Variants in SNX25 observed in about 807,000 individuals in gnomAD.
The protein encoded by SNX25 is sorting nexin-25.
In SNX25, 62 loss-of-function variants were observed where a neutral mutation model predicts 113.7. The ratio of observed to expected loss-of-function variants is 0.55; its 90% CI spans 0.44 to 0.67. The LOEUF (loss-of-function observed/expected upper bound fraction) is 0.67. Among genes scored for constraint, SNX25 ranks in the 30% least tolerant of loss-of-function variants. The pLI is 0.00. For synonymous variants in SNX25, 421 were observed against 436.2 expected (o/e 0.97, Z 0.43); for missense variants, 1,014 against 1,161.0 (o/e 0.87, Z 1.84).
intron 6 of SNX25, among the ~76,000 whole-genome samples, chr4:185,302,504 A>C (rs143099927): frequency 5.0e-4 from 76 of 152,296 alleles, no homozygotes; most frequent in Admixed American, 1.0e-3. Context: ...AAAAACCTCC[A>C]CACATTTGGT....
chr4:185,260,334 G>C (rs781355448), intron 3 of SNX25, among the ~76,000 whole-genome samples: 5 of 152,072 alleles, frequency 3.3e-5, no homozygotes, highest in South Asian at 2.1e-4. Context: ...GAATTTCAAA[G>C]AGCTCATTTC....
intron 10 of SNX25, among the ~76,000 whole-genome samples, chr4:185,336,267 T>C (rs896840917): frequency 1.3e-5 from 2 of 152,202 alleles, no homozygotes; most frequent in African/African-American, 4.8e-5. Context: ...TTGGTATACC[T>C]ATCACCCAAG....
At chr4:185,313,983 A>G (rs1235696034) in intron 7 of SNX25, among the ~76,000 whole-genome samples, 1 of 152,190 alleles carries the variant, frequency 6.6e-6, no homozygotes, top group African/African-American at 2.4e-5. Flanking sequence ...GATCATCACA[A>G]GGGTTTTCAT....
intron 3 of SNX25, among the ~76,000 whole-genome samples, chr4:185,263,723 A>C (rs1437464918): frequency 1.3e-5 from 2 of 152,192 alleles, no homozygotes; most frequent in East Asian, 3.8e-4. Flanking sequence ...AAAATCTCTT[A>C]TACTTTGCCT....
At chr4:185,362,791 A>G in intron 18 of SNX25, 80 bp downstream of exon 18, 2 of 999,906 alleles carry the variant, frequency 2.0e-6, no homozygotes, top group Non-Finnish European at 1.5e-6. Flanking sequence ...CATGTGCCCC[A>G]GTGGCTGCAG....
intron 2 of SNX25, among the ~76,000 whole-genome samples, chr4:185,258,532 A>G (rs1334970681): frequency 6.6e-6 from 1 of 152,212 alleles, no homozygotes; most frequent in Non-Finnish European, 1.5e-5. Flanking sequence ...TATCAGGTAC[A>G]CTTCATAAGT....
chr4:185,209,868 C>T lies in SNX25; in HGVS notation c.42C>T (p.Ser14=), dbSNP rs887102707. 8.9e-5 allele frequency: 88 copies of T among 983,466 alleles called. No homozygotes were observed. The highest frequency in any genetic ancestry group is 1.0e-4 in the Non-Finnish European group (85 of 829,226). The allele number at this position is 983,466 out of a possible 1,614,324, so 60.9% of individuals were successfully genotyped here. A position where few individuals can be genotyped will look rare whatever the true frequency, so the allele number is the denominator to read the frequency against. ...DATDSGGAGP[S]PARAAGAGGR... The stretch of plus-strand genomic sequence containing the variant: ...CCGACAGTGGCGGCGCCGGCCCCAG[C>T]CCCGCGCGGGCCGCAGGCGCCGGCG... Residue 14 remains serine, a synonymous_variant, in exon 1 of 19, where the codon AGC becomes AGT. Coordinates refer to ENST00000652585, the MANE Select transcript of SNX25 (RefSeq NM_001378034.2). The surrounding 1 kb of genome is among the most constrained non-coding windows in gnomAD (Gnocchi z 5.2).
At chr4:185,355,433 A>G (rs1430880482) in intron 15 of SNX25, among the ~76,000 whole-genome samples, 2 of 152,224 alleles carry the variant, frequency 1.3e-5, no homozygotes, top group Non-Finnish European at 2.9e-5. Flanking sequence ...ACCATATCAG[A>G]TACAGATTCT....
chr4:185,222,825 C>G (rs930436180), intron 1 of SNX25, among the ~76,000 whole-genome samples: 3 of 152,152 alleles, frequency 2.0e-5, no homozygotes, highest in Non-Finnish European at 4.4e-5. Context: ...AATCTTGGCT[C>G]TCCCCTAATA....
chr4:185,274,445 G>C (rs1579574528), intron 5 of SNX25, among the ~76,000 whole-genome samples: 1 of 152,312 alleles, frequency 6.6e-6, no homozygotes, highest in Non-Finnish European at 1.5e-5. Flanking sequence ...TTTGAGATAT[G>C]ATGGGTAATT....
intron 6 of SNX25, among the ~76,000 whole-genome samples, chr4:185,302,076 A>G (rs1425823183): frequency 1.5e-5 from 2 of 133,224 alleles, no homozygotes; most frequent in Non-Finnish European, 3.2e-5. Flanking sequence ...ATTTTTGTAT[A>G]TTTTGTGTGT....
intron 14 of SNX25, 76 bp downstream of exon 14, chr4:185,351,685 A>T: frequency 6.9e-7 from 1 of 1,456,014 alleles, no homozygotes. Context: ...CATGGGGGGA[A>T]GCAAATCCCT....
chr4:185,366,951 G>A (rs2095389985), downstream of SNX25: 1 of 442,920 alleles, frequency 2.3e-6, no homozygotes, highest in South Asian at 3.5e-5. Flanking sequence ...CCAGTCTGTA[G>A]GGTAAGAGGT....
chr4:185,342,595 C>T (rs921615284), intron 12 of SNX25, among the ~76,000 whole-genome samples: 6 of 150,778 alleles, frequency 4.0e-5, no homozygotes, highest in Non-Finnish European at 8.8e-5. Context: ...CAGTAAGGCG[C>T]GGTGCTTGGA....
chr4:185,241,511 AGAGGGAGAGGGAGAG>A (rs1161809748), intron 1 of SNX25, among the ~76,000 whole-genome samples: 219 of 19,068 alleles, frequency 0.011, 35 homozygotes, highest in African/African-American at 0.011. Flanking sequence ...GACCGTGGGG[AGAGGGAGAGGGAGAG>A]GAGGGAGAGG....
intron 2 of SNX25, among the ~76,000 whole-genome samples, chr4:185,251,783 T>C (rs1442466016): frequency 1.3e-5 from 2 of 152,124 alleles, no homozygotes; most frequent in Non-Finnish European, 2.9e-5. Context: ...ACGTGACCTT[T>C]ATTTTAGACC....
Position 185,362,023 on chromosome 4 carries a change from A to G in SNX25, c.2751A>G (p.Ala917=), listed in dbSNP as rs756957785. 6.2e-7 allele frequency: 1 copy of G among 1,614,132 alleles called. No individual in the cohort carries two copies. The highest frequency in any genetic ancestry group is 2.2e-5 in the East Asian group (1 of 44,882). ...RDAFWPNGKL[A]PPTTIRSKEQ... ...CTTTTTGGCCAAATGGGAAGTTGGC[A>G]CCACCGACCACAATCAGAAGCAAAG... Residue 917 remains alanine (A), a synonymous_variant, in exon 17 of 19, where the codon GCA becomes GCG. Coordinates refer to ENST00000652585, the MANE Select transcript of SNX25 (RefSeq NM_001378034.2).
At chr4:185,207,010 C>T (rs561176175), upstream of SNX25, among the ~76,000 whole-genome samples, 2 of 152,236 alleles carry the variant, frequency 1.3e-5, no homozygotes, top group South Asian at 4.1e-4. Flanking sequence ...ATCCCAGCTT[C>T]AGGGCACAGA....
intron 1 of SNX25, among the ~76,000 whole-genome samples, chr4:185,239,340 G>A (rs111815512): frequency 2.0e-3 from 299 of 152,078 alleles, no homozygotes; most frequent in African/African-American, 6.0e-3. Context: ...AAAATTAGCC[G>A]GGCGTGGTGG....
Sources: gnomAD v4.1 joint callset for allele counts (sites outside exome capture counted in the v4.1 genomes callset) on GRCh38, gnomAD v4.1.1 for gene constraint, Gnocchi (gnomAD v3.1) non-coding constraint, MANE v1.5 for transcripts, NCBI Gene and HGNC (gene_info 2026-07-23, HGNC 2026-07-21) for gene names.